The following ENOX1 variants were observed in gnomAD, a reference collection of about 807,000 sequenced individuals.
ENOX1 encodes ecto-NOX disulfide-thiol exchanger 1, also known as candidate growth-related and time keeping constitutive hydroquinone (NADH) oxidase.
Under a neutral mutation model 82.5 loss-of-function variants are expected in ENOX1, and 42 were observed. The observed-to-expected ratio is 0.51, with a 90% CI of 0.40 to 0.66. The LOEUF (loss-of-function observed/expected upper bound fraction) is 0.66, where lower values mean the gene tolerates loss of function less well. Ranked by LOEUF, ENOX1 falls within the 30% of genes least tolerant of loss-of-function variation. ENOX1 has a pLI of 0.00. For synonymous variants in ENOX1, 271 were observed against 282.2 expected, an observed-to-expected ratio of 0.96 and a Z score of 0.40; for missense variants, 608 against 811.6, an observed-to-expected ratio of 0.75 and a Z score of 3.05.
intron 12 of ENOX1, among the ~76,000 whole-genome samples, chr13:43,287,658 G>A (rs2045776137): frequency 6.6e-6 from 1 of 152,194 alleles, no homozygotes; most frequent in African/African-American, 2.4e-5. Context: ...CCTCTGGTCA[G>A]TGAAGACGGC....
chr13:43,387,848 T>C (rs1429859874), intron 5 of ENOX1, among the ~76,000 whole-genome samples: 1 of 152,084 alleles, frequency 6.6e-6, no homozygotes, highest in African/African-American at 2.4e-5. Context: ...ACATAACTGG[T>C]GTTTTCGAAC....
rs2153861290 is a variant in ENOX1 at position 43,786,289 on chromosome 13, TG to T, written c.-285+362del. Among the ~76,000 whole-genome samples the T allele has an allele frequency of 6.6e-6, 1 of 151,340 alleles. No individual in the cohort carries two copies. Among genetic ancestry groups the T allele is most frequent in the South Asian group, 2.1e-4 (1 of 4,754 alleles). On this transcript the variant is annotated intron_variant, in intron 1 of 16. Transcript: ENST00000690772. The surrounding 1 kb of genome is among the most constrained non-coding windows in gnomAD (Gnocchi z 6.0). ...CCCGCAGGGGGAGACGGGTGCGGGG[TG>T]CGCTGTCCAAGGTGCAGGGGAGGTG...
At chr13:43,622,663 C>T (rs895214456) in intron 2 of ENOX1, among the ~76,000 whole-genome samples, 41 of 151,956 alleles carry the variant, frequency 2.7e-4, no homozygotes, top group Admixed American at 7.9e-4. Flanking sequence ...GGATGGGGAT[C>T]AGGGATGCAA....
At chr13:43,505,889 A>G (rs1013915648) in intron 2 of ENOX1, among the ~76,000 whole-genome samples, 2 of 152,008 alleles carry the variant, frequency 1.3e-5, no homozygotes, top group Admixed American at 1.3e-4. Context: ...TTTTAGGTCT[A>G]ACATGTAAGT....
intron 3 of ENOX1, among the ~76,000 whole-genome samples, chr13:43,470,261 CATATATATACACATATATATACATAT>C (rs2057943797): frequency 2.5e-5 from 1 of 40,764 alleles, no homozygotes; most frequent in Non-Finnish European, 6.8e-5. Flanking sequence ...TATATATATA[CATATATATACACATATATATACATAT>C]ATATATACAC....
chr13:43,583,823 CTTTT>C (rs74782852), intron 2 of ENOX1, among the ~76,000 whole-genome samples: 3 of 144,190 alleles, frequency 2.1e-5, no homozygotes, highest in African/African-American at 2.6e-5. Context: ...ATAAACTTTT[CTTTT>C]TTTTTTTTTT....
At chr13:43,643,749 C>T (rs999349386) in intron 2 of ENOX1, among the ~76,000 whole-genome samples, 3 of 151,836 alleles carry the variant, frequency 2.0e-5, no homozygotes, top group African/African-American at 7.3e-5. Flanking sequence ...CTATTTTCTA[C>T]ATAGTAGCAG....
intron 1 of ENOX1, among the ~76,000 whole-genome samples, chr13:43,708,745 CA>C (rs2087486427): frequency 6.6e-6 from 1 of 152,026 alleles, no homozygotes; most frequent in Non-Finnish European, 1.5e-5. Context: ...TAAAGTAACC[CA>C]GGACGATTCA....
intron 1 of ENOX1, among the ~76,000 whole-genome samples, chr13:43,698,094 A>G (rs2086728070): frequency 6.6e-6 from 1 of 152,202 alleles, no homozygotes; most frequent in South Asian, 2.1e-4. Context: ...AGCAGGAGAG[A>G]AGGAGATCAG....
chr13:43,428,502 T>A (rs1055591361), intron 3 of ENOX1, among the ~76,000 whole-genome samples: 1 of 152,172 alleles, frequency 6.6e-6, no homozygotes, highest in Non-Finnish European at 1.5e-5. Flanking sequence ...CTGTACTGCC[T>A]GATAGAATGC....
chr13:43,368,612 A>T (rs2051008211), intron 5 of ENOX1, among the ~76,000 whole-genome samples: 1 of 152,212 alleles, frequency 6.6e-6, no homozygotes, highest in Non-Finnish European at 1.5e-5. Context: ...GGGCTGACAC[A>T]GTCAGAGCAA....
chr13:43,340,256 T>A (rs536590603), intron 9 of ENOX1, among the ~76,000 whole-genome samples: 3 of 152,342 alleles, frequency 2.0e-5, no homozygotes, highest in African/African-American at 7.2e-5. Flanking sequence ...AGATATGCAA[T>A]CTTCTGGTTC....
chr13:43,647,122 G>C (rs1348192674), intron 2 of ENOX1, among the ~76,000 whole-genome samples: 1 of 152,156 alleles, frequency 6.6e-6, no homozygotes, highest in African/African-American at 2.4e-5. Context: ...GAAGTGCAGT[G>C]GTTAGGGAAC....
At chr13:43,707,321 C>A (rs1047399643) in intron 1 of ENOX1, among the ~76,000 whole-genome samples, 1 of 152,058 alleles carries the variant, frequency 6.6e-6, no homozygotes, top group African/African-American at 2.4e-5. Context: ...CCGTGACCTG[C>A]CCCAAAGTTG....
At chr13:43,638,609 A>G (rs1304745051) in intron 2 of ENOX1, among the ~76,000 whole-genome samples, 1 of 152,194 alleles carries the variant, frequency 6.6e-6, no homozygotes, top group African/African-American at 2.4e-5. Context: ...TAAAATATCC[A>G]TGTGTCTCCC....
chr13:43,560,830 G>T (rs2153704852), intron 2 of ENOX1, among the ~76,000 whole-genome samples: 1 of 152,268 alleles, frequency 6.6e-6, no homozygotes, highest in African/African-American at 2.4e-5. Flanking sequence ...AAGGTCACCA[G>T]GATTAATTAG....
At chr13:43,515,902 C>A (rs939668113) in intron 2 of ENOX1, among the ~76,000 whole-genome samples, 1 of 152,178 alleles carries the variant, frequency 6.6e-6, no homozygotes, top group Non-Finnish European at 1.5e-5. Flanking sequence ...CTGGACACTT[C>A]CTGGATGTCC....
intron 3 of ENOX1, among the ~76,000 whole-genome samples, chr13:43,413,699 T>A (rs1885885): frequency 0.5 from 72,967 of 146,554 alleles, 22,765 homozygotes; most frequent in Non-Finnish European, 0.71. Flanking sequence ...ATATATATAT[T>A]TTTATATATT....
chr13:43,779,183 T>TAAA (rs57388902), intron 1 of ENOX1, among the ~76,000 whole-genome samples: 7 of 118,066 alleles, frequency 5.9e-5, no homozygotes, highest in South Asian at 5.4e-4. Flanking sequence ...CCTCGTTATT[T>TAAA]AAAAAAAAAA....
Sources: allele counts gnomAD v4.1 joint callset (sites outside exome capture counted in the v4.1 genomes callset), GRCh38; gene constraint gnomAD v4.1.1; non-coding constraint Gnocchi (gnomAD v3.1); transcripts MANE v1.5; gene names NCBI Gene and HGNC (gene_info 2026-07-23, HGNC 2026-07-21).